PDE1A: variants seen among roughly 807,000 people sequenced by gnomAD.
PDE1A encodes the protein phosphodiesterase 1A.
PDE1A carries 35 observed loss-of-function variants against 61.7 expected under a neutral mutation model. The observed-to-expected ratio is 0.57, with a 90% CI of 0.43 to 0.75. PDE1A has a LOEUF of 0.75. Among genes scored for constraint, PDE1A ranks in the 30% least tolerant of loss-of-function variants. The pLI, the probability that PDE1A is intolerant of heterozygous loss-of-function variation, is 0.00. For missense variants in PDE1A, 597 were observed against 630.6 expected (o/e 0.95, Z 0.57); for synonymous variants, 232 against 213.2 (o/e 1.09, Z -0.77).
At chr2:182,303,115 T>C (rs1208700263) in intron 1 of PDE1A, among the ~76,000 whole-genome samples, 1 of 152,230 alleles carries the variant, frequency 6.6e-6, no homozygotes, top group Non-Finnish European at 1.5e-5. Context: ...CCTGTTAATG[T>C]TTATGTTTTG....
chr2:182,545,244 C>T, the PDE1A span, among the ~76,000 whole-genome samples: 2 of 152,166 alleles, frequency 1.3e-5, no homozygotes, highest in Non-Finnish European at 2.9e-5. Context: ...TTCATGGCTC[C>T]GGATCCCACT....
intron 10 of PDE1A, among the ~76,000 whole-genome samples, chr2:182,199,792 G>A (rs1355698907): frequency 6.6e-6 from 1 of 152,064 alleles, no homozygotes; most frequent in Non-Finnish European, 1.5e-5. Flanking sequence ...AATTTAGTAA[G>A]ATGCTACTCA....
At chr2:182,663,792 A>G in the PDE1A span, among the ~76,000 whole-genome samples, 2 of 152,098 alleles carry the variant, frequency 1.3e-5, no homozygotes, top group Admixed American at 6.6e-5. Flanking sequence ...TTACCTGTAT[A>G]ACAAACCTTC....
At chr2:182,160,099 G>C (rs1691298765) in intron 13 of PDE1A, among the ~76,000 whole-genome samples, 1 of 152,178 alleles carries the variant, frequency 6.6e-6, no homozygotes, top group Non-Finnish European at 1.5e-5. Context: ...ACACAAAAAA[G>C]ATTAAATCAA....
In PDE1A at chr2:182,246,401, C is replaced by CTTTTTTTTTTTTTTTTTTTTTT. The variant is rs761118177; in HGVS notation, c.168-6110_168-6109insAAAAAAAAAAAAAAAAAAAAAA. On this transcript the variant is annotated intron_variant, in intron 2 of 13. Transcript: ENST00000351439. ...TCTACTATAGTCTTTTTTCTTTTTT[C>CTTTTTTTTTTTTTTTTTTTTTT]TTTCTTTTTTTTTTTTTTTTTTGAC... is the stretch of plus-strand genomic sequence containing the variant. Among the ~76,000 whole-genome samples the CTTTTTTTTTTTTTTTTTTTTTT allele has an allele frequency of 2.1e-4, 13 of 61,512 alleles. 2 individuals carry two copies. Among genetic ancestry groups the CTTTTTTTTTTTTTTTTTTTTTT allele is most frequent in the African/African-American group, 3.0e-4 (3 of 10,124 alleles). 40.4% of individuals were successfully genotyped at this position (61,512 alleles called of 152,430 possible).
chr2:182,205,891 TA>T (rs750029949), intron 8 of PDE1A, 48 bp downstream of exon 8: 6 of 1,536,856 alleles, frequency 3.9e-6, no homozygotes, highest in Non-Finnish European at 5.3e-6. Context: ...TCGCATAATT[TA>T]TTCCTTTCCT....
intron 1 of PDE1A, among the ~76,000 whole-genome samples, chr2:182,320,379 C>T (rs951080096): frequency 2.6e-5 from 4 of 151,884 alleles, no homozygotes; most frequent in African/African-American, 7.3e-5. Context: ...TTGTGTAGGC[C>T]GCACTGATGA....
At chr2:182,625,207 T>G in the PDE1A span, among the ~76,000 whole-genome samples, 1 of 152,188 alleles carries the variant, frequency 6.6e-6, no homozygotes, top group African/African-American at 2.4e-5. Context: ...GCCTGGACTT[T>G]CCAGCATCCA....
At chr2:182,251,996 A>G (rs960038911) in intron 2 of PDE1A, among the ~76,000 whole-genome samples, 2 of 152,304 alleles carry the variant, frequency 1.3e-5, no homozygotes, top group South Asian at 2.1e-4. Context: ...TTCTACACCC[A>G]TGAGGCCAAA....
At chr2:182,457,592 G>A (rs769923084) in intron 2 of PDE1A, among the ~76,000 whole-genome samples, 4 of 151,980 alleles carry the variant, frequency 2.6e-5, no homozygotes, top group Non-Finnish European at 4.4e-5. Context: ...GTAGATTAAT[G>A]CTGATGTATG....
chr2:182,339,239 A>G (rs775254971), intron 1 of PDE1A, among the ~76,000 whole-genome samples: 6 of 152,160 alleles, frequency 3.9e-5, no homozygotes, highest in East Asian at 1.9e-4. Flanking sequence ...AAGACTTTCA[A>G]TGAAATTTGT....
intron 13 of PDE1A, among the ~76,000 whole-genome samples, chr2:182,149,274 TTA>T (rs1399354585): frequency 6.6e-6 from 1 of 152,152 alleles, no homozygotes; most frequent in East Asian, 1.9e-4. Flanking sequence ...ACCAAATTAT[TTA>T]TCTTATTTCT....
chr2:182,506,039 G>A (rs772526291), intron 2 of PDE1A, among the ~76,000 whole-genome samples: 3 of 152,162 alleles, frequency 2.0e-5, no homozygotes, highest in East Asian at 1.9e-4. Context: ...AAAGGAACCC[G>A]TTAATCTATA....
the PDE1A span, among the ~76,000 whole-genome samples, chr2:182,611,825 T>A: frequency 6.6e-6 from 1 of 152,150 alleles, no homozygotes; most frequent in Non-Finnish European, 1.5e-5. Context: ...AGAACAATAA[T>A]ATTTGAAACT....
chr2:182,483,688 A>G (rs1005141010), intron 2 of PDE1A, among the ~76,000 whole-genome samples: 3 of 151,780 alleles, frequency 2.0e-5, no homozygotes, highest in Non-Finnish European at 4.4e-5. Context: ...TACTAAAAAA[A>G]TTTTTCAAAT....
chr2:182,605,138 A>G, the PDE1A span, among the ~76,000 whole-genome samples: 1 of 152,052 alleles, frequency 6.6e-6, no homozygotes, highest in Non-Finnish European at 1.5e-5. Context: ...AATTCATTTC[A>G]AGCCCGTCTC....
chr2:182,596,734 T>G, the PDE1A span, among the ~76,000 whole-genome samples: 6 of 143,734 alleles, frequency 4.2e-5, no homozygotes, highest in African/African-American at 1.5e-4. Flanking sequence ...ATGCAAGAAT[T>G]TGGGCAAGGA....
At chr2:182,586,031 T>A in the PDE1A span, among the ~76,000 whole-genome samples, 110 of 152,318 alleles carry the variant, frequency 7.2e-4, no homozygotes, top group African/African-American at 2.6e-3. Context: ...GTATACCTAT[T>A]TCTAAGACAG....
At chr2:182,647,210 A>G in the PDE1A span, among the ~76,000 whole-genome samples, 2 of 152,200 alleles carry the variant, frequency 1.3e-5, no homozygotes, top group African/African-American at 2.4e-5. Flanking sequence ...CTCAGGGGAC[A>G]TCACTGCGTG....
Sources: gnomAD v4.1 joint callset for allele counts (sites outside exome capture counted in the v4.1 genomes callset) on GRCh38, gnomAD v4.1.1 for gene constraint, MANE v1.5 for transcripts, NCBI Gene and HGNC (gene_info 2026-07-23, HGNC 2026-07-21) for gene names.